AMOTL1: variants seen among roughly 807,000 people sequenced by gnomAD.
AMOTL1 encodes angiomotin-like protein 1.
A neutral mutation model predicts 102.9 loss-of-function variants in AMOTL1; 45 were observed. The ratio of observed to expected loss-of-function variants is 0.44; its 90% confidence interval spans 0.34 to 0.56. The LOEUF is 0.56. Among genes scored for constraint, AMOTL1 ranks in the 20% least tolerant of loss-of-function variants. AMOTL1 has a pLI of 0.01. For synonymous variants in AMOTL1, 481 were observed against 484.7 expected (o/e 0.99, Z 0.10); for missense variants, 1,114 against 1,225.6 (o/e 0.91, Z 1.36).
At chr11:94,749,362 C>T (rs1950624012) in intron 3 of AMOTL1, among the ~76,000 whole-genome samples, 1 of 151,972 alleles carries the variant, frequency 6.6e-6, no homozygotes, top group Non-Finnish European at 1.5e-5. Flanking sequence ...TTGGTTCCAT[C>T]CAGGCCCCCG....
intron 3 of AMOTL1, among the ~76,000 whole-genome samples, chr11:94,805,383 G>T (rs1002877882): frequency 1.3e-5 from 2 of 152,150 alleles, no homozygotes; most frequent in African/African-American, 4.8e-5. Flanking sequence ...GTGGGCTTTC[G>T]TCTGTCTTTT....
At position 94,815,226 on chromosome 11, in the gene AMOTL1, C is replaced by CTA. The variant is rs371001122; in HGVS notation, c.1122-6301_1122-6300dup. ...TAGATGTAAAAATGTGGCATGAGGG[C>CTA]TATAAAGTTATAAATGTAGCACAAA... On this transcript the variant is annotated intron_variant, in intron 3 of 12. Coordinates refer to ENST00000433060, the MANE Select transcript of AMOTL1 (RefSeq NM_130847.3). Among the ~76,000 whole-genome samples the CTA allele has an allele frequency of 5.6e-3, 855 of 152,096 alleles. 5 individuals carry two copies. The highest frequency in any genetic ancestry group is 1.0e-2 in the Non-Finnish European group (679 of 67,992).
intron 2 of AMOTL1, among the ~76,000 whole-genome samples, chr11:94,797,890 G>T (rs1187495474): frequency 6.6e-6 from 1 of 152,178 alleles, no homozygotes; most frequent in Non-Finnish European, 1.5e-5. Flanking sequence ...GTTTCATCCT[G>T]TAATTGATTA....
In AMOTL1 at chr11:94,869,131, G is replaced by T. The variant is rs143761496; in HGVS notation, c.2489-67G>T. The T allele has an allele frequency of 4.4e-4, 636 of 1,451,576 alleles. 1 individual carries two copies. The East Asian group carries it at 0.011, about 26-fold the overall frequency. 89.9% of individuals were successfully genotyped at this position (1,451,576 alleles called of 1,614,324 possible). A position where few individuals can be genotyped will look rare whatever the true frequency, so the allele number is the denominator to read the frequency against. On this transcript the variant is annotated intron_variant, in intron 11 of 12. Transcript: ENST00000433060. ...TCATCAATCAACAAGGAACAGATCT[G>T]CAAGACTAGATTTAAAAAAAAAAAA...
At chr11:94,832,409 A>C (rs1952091304) in intron 6 of AMOTL1, among the ~76,000 whole-genome samples, 1 of 152,222 alleles carries the variant, frequency 6.6e-6, no homozygotes, top group African/African-American at 2.4e-5. Flanking sequence ...AGACTGGAAA[A>C]TAATTGGTTA....
chr11:94,847,305 A>G (rs1952436317), intron 6 of AMOTL1, among the ~76,000 whole-genome samples: 1 of 152,164 alleles, frequency 6.6e-6, no homozygotes, highest in South Asian at 2.1e-4. Flanking sequence ...GGTCGAGTGG[A>G]CAGCTGCATA....
chr11:94,717,096 TA>T (rs35684700), intron 1 of AMOTL1, among the ~76,000 whole-genome samples: 1 of 151,888 alleles, frequency 6.6e-6, no homozygotes, highest in Non-Finnish European at 1.5e-5. Context: ...ATATGGGAGA[TA>T]AAAAGAAAAC....
intron 3 of AMOTL1, among the ~76,000 whole-genome samples, chr11:94,762,100 A>G (rs1950800882): frequency 6.6e-6 from 1 of 152,224 alleles, no homozygotes; most frequent in African/African-American, 2.4e-5. Context: ...AAATGTGTCT[A>G]TATCATCACT....
At chr11:94,758,076 G>A (rs1383560811) in intron 3 of AMOTL1, among the ~76,000 whole-genome samples, 2 of 152,028 alleles carry the variant, frequency 1.3e-5, no homozygotes, top group Non-Finnish European at 2.9e-5. Context: ...AAACAAAAAA[G>A]GCAAGAGTTC....
chr11:94,752,592 C>T (rs1950670389), intron 3 of AMOTL1, among the ~76,000 whole-genome samples: 1 of 152,178 alleles, frequency 6.6e-6, no homozygotes, highest in African/African-American at 2.4e-5. Context: ...TCTCTTCCCC[C>T]TGTGACCTTT....
chr11:94,720,673 G>T (rs1397147743), intron 1 of AMOTL1, among the ~76,000 whole-genome samples: 1 of 151,970 alleles, frequency 6.6e-6, no homozygotes, highest in Non-Finnish European at 1.5e-5. Context: ...CTCCCTATCT[G>T]CTGATTCTGC....
intron 1 of AMOTL1, among the ~76,000 whole-genome samples, chr11:94,718,222 C>A (rs148141756): frequency 7.0e-4 from 106 of 151,946 alleles, no homozygotes; most frequent in Non-Finnish European, 1.3e-3. Flanking sequence ...TGGCTTTTTA[C>A]AATTTACAGG....
Position 94,859,703 on chromosome 11 carries a change from C to CA in AMOTL1, c.2124dup (p.Ala709SerfsTer3). 6.2e-7 allele frequency: 1 copy of CA among 1,608,688 alleles called. No homozygotes were observed. The highest frequency in any genetic ancestry group is 1.1e-5 in the South Asian group (1 of 89,922). On this transcript the variant is annotated frameshift_variant, in exon 9 of 13. Coordinates refer to ENST00000433060, the MANE Select transcript of AMOTL1 (RefSeq NM_130847.3). LOFTEE classifies it high-confidence loss of function. ...TTTGCCATGAATGCCGCAGCCACTG[C>CA]AGCAGCTGAGAGGTGAGACCAGTGG...
At chr11:94,862,206 G>A (rs186199936) in intron 9 of AMOTL1, among the ~76,000 whole-genome samples, 1 of 152,142 alleles carries the variant, frequency 6.6e-6, no homozygotes, top group African/African-American at 2.4e-5. Context: ...CCTTCTGGGT[G>A]GGGGAATAGG....
At chr11:94,863,131 G>GATA (rs1169600308) in intron 9 of AMOTL1, among the ~76,000 whole-genome samples, 2 of 152,056 alleles carry the variant, frequency 1.3e-5, no homozygotes, top group Non-Finnish European at 2.9e-5. Flanking sequence ...AGAAATTGAG[G>GATA]ATAATAATAC....
At chr11:94,757,314 T>C (rs141411464) in intron 3 of AMOTL1, among the ~76,000 whole-genome samples, 45 of 152,240 alleles carry the variant, frequency 3.0e-4, no homozygotes, top group African/African-American at 1.1e-3. Flanking sequence ...TTTCTCACAG[T>C]CCTGTGAGGT....
intron 6 of AMOTL1, among the ~76,000 whole-genome samples, chr11:94,837,676 G>A (rs1345538010): frequency 6.6e-6 from 1 of 152,144 alleles, no homozygotes; most frequent in Non-Finnish European, 1.5e-5. Context: ...ACTCAATTTA[G>A]GCTCAAATTA....
intron 3 of AMOTL1, among the ~76,000 whole-genome samples, chr11:94,748,815 C>T (rs910127121): frequency 6.6e-6 from 1 of 152,128 alleles, no homozygotes; most frequent in Non-Finnish European, 1.5e-5. Context: ...GAAGCACTGG[C>T]AGGATACAGG....
intron 3 of AMOTL1, among the ~76,000 whole-genome samples, chr11:94,762,485 G>C (rs1950805639): frequency 6.6e-6 from 1 of 152,162 alleles, no homozygotes; most frequent in African/African-American, 2.4e-5. Context: ...TCACAACAAA[G>C]AATCATCAGC....
Sources: allele counts gnomAD v4.1 joint callset (sites outside exome capture counted in the v4.1 genomes callset), GRCh38; gene constraint gnomAD v4.1.1; transcripts MANE v1.5; gene names NCBI Gene and HGNC (gene_info 2026-07-23, HGNC 2026-07-21).